CYTH1: variants seen among roughly 807,000 people sequenced by gnomAD.
CYTH1 encodes the protein cytohesin-1.
A neutral mutation model predicts 61.8 loss-of-function variants in CYTH1; 18 were observed. That is an observed-to-expected ratio of 0.29 (90% CI 0.20 to 0.43). The LOEUF is 0.43. Among genes scored for constraint, CYTH1 ranks in the 20% least tolerant of loss-of-function variants. CYTH1 has a pLI of 1.00. For synonymous variants in CYTH1, 174 were observed against 184.3 expected (o/e 0.94, Z 0.45); for missense variants, 336 against 510.5 (o/e 0.66, Z 3.29).
intron 3 of CYTH1, 130 bp from the exon 4 acceptor site, chr17:78,702,734 G>T: frequency 1.0e-6 from 1 of 975,292 alleles, no homozygotes. Flanking sequence ...GCATAATCTG[G>T]TGGAACTATG....
chr17:78,754,095 A>C (rs1187136161), intron 1 of CYTH1, among the ~76,000 whole-genome samples: 1 of 151,758 alleles, frequency 6.6e-6, no homozygotes, highest in Non-Finnish European at 1.5e-5. Flanking sequence ...GCTATGTCAC[A>C]TTGTGTGTCA....
intron 1 of CYTH1, among the ~76,000 whole-genome samples, chr17:78,766,830 G>A (rs2093450652): frequency 6.6e-6 from 1 of 152,216 alleles, no homozygotes; most frequent in African/African-American, 2.4e-5. Context: ...AGAGGGGGGT[G>A]TGAATGAGCA....
chr17:78,695,663 C>T (rs1011930164), intron 10 of CYTH1, among the ~76,000 whole-genome samples: 5 of 152,126 alleles, frequency 3.3e-5, no homozygotes, highest in African/African-American at 7.2e-5. Flanking sequence ...GATTAATGGA[C>T]GTCAAATTGA....
intron 1 of CYTH1, among the ~76,000 whole-genome samples, chr17:78,731,471 G>A (rs1412037862): frequency 2.6e-5 from 4 of 152,090 alleles, no homozygotes; most frequent in Non-Finnish European, 5.9e-5. Context: ...TTCTAAAAAG[G>A]AAATCTCGTC....
chr17:78,773,484 G>GC (rs1207124470), intron 1 of CYTH1, among the ~76,000 whole-genome samples: 1 of 151,674 alleles, frequency 6.6e-6, no homozygotes, highest in East Asian at 1.9e-4. Context: ...ACAAAAATCA[G>GC]CAGGGCATGG....
intron 11 of CYTH1, among the ~76,000 whole-genome samples, chr17:78,683,300 C>A (rs1028076496): frequency 1.1e-4 from 16 of 152,154 alleles, no homozygotes; most frequent in African/African-American, 3.6e-4. Flanking sequence ...GGCTGTTCGG[C>A]TGCTTTGGTC....
rs74001229 is a variant in CYTH1, at chr17:78,762,240, G to C, written c.22+19962C>G. Among the ~76,000 whole-genome samples the C allele has an allele frequency of 4.2e-3, 643 of 152,282 alleles. 4 individuals carry two copies. The highest frequency in any genetic ancestry group is 0.015 in the African/African-American group (605 of 41,556). Reference sequence around the variant, plus strand: ...CTGACTCAAGATAGTCTCTGTTCCGGTAATTTGATGACAAATAGTGTTGCT... The same window carrying C: ...CTGACTCAAGATAGTCTCTGTTCCGCTAATTTGATGACAAATAGTGTTGCT... On this transcript the variant is annotated intron_variant, in intron 1 of 13. Transcript: ENST00000446868.
Position 78,702,190 on chromosome 17 carries a change from G to A in CYTH1, c.288C>T (p.Asp96=). The stretch of plus-strand genomic sequence containing the variant: ...CGCCTTTATATAAGAACTGGGCAAT[G>A]TCTTCACAAGTGTTCTTCAGGAGGT... ...ENDLLKNTCE[D]IAQFLYKGEG... is the part of the protein sequence containing the mutation. Residue 96 remains aspartate, a synonymous_variant, in exon 5 of 14, where the codon GAC becomes GAT. Transcript: ENST00000446868. The A allele has an allele frequency of 6.2e-7, 1 of 1,614,164 alleles. No individual in the cohort carries two copies. Among genetic ancestry groups the A allele is most frequent in the Non-Finnish European group, 8.5e-7 (1 of 1,180,024 alleles).
At position 78,701,692 on chromosome 17, in the gene CYTH1, A is replaced by G. The variant is rs1334900039; in HGVS notation, c.416T>C (p.Leu139Pro). ...TCACCGTAGTGCCTGGACGAGATTA[A>G]GATCAGTGAACTCATGCAGCTCCAC... ...AFVELHEFTD[L>P]NLVQALRQFL... The change falls in exon 6 of 14, where the codon CTT (leucine) becomes CCT (proline). Residue 139 changes from leucine to proline, a missense_variant. Transcript: ENST00000446868. 6.2e-7 allele frequency: 1 copy of G among 1,614,144 alleles called. No individual in the cohort carries two copies. The highest frequency in any genetic ancestry group is 8.5e-7 in the Non-Finnish European group (1 of 1,180,056).
intron 10 of CYTH1, among the ~76,000 whole-genome samples, chr17:78,695,363 GT>G (rs2092928087): frequency 6.6e-6 from 1 of 152,150 alleles, no homozygotes; most frequent in Non-Finnish European, 1.5e-5. Flanking sequence ...TTCAGGGAGG[GT>G]TTTTTGGTTT....
chr17:78,714,674 T>A (rs2093166125), intron 1 of CYTH1, among the ~76,000 whole-genome samples: 1 of 152,112 alleles, frequency 6.6e-6, no homozygotes, highest in Non-Finnish European at 1.5e-5. Context: ...CCAAGCAGGC[T>A]CTGGCTCACT....
intron 11 of CYTH1, among the ~76,000 whole-genome samples, chr17:78,689,810 C>T (rs756945469): frequency 6.6e-6 from 1 of 152,158 alleles, no homozygotes; most frequent in Non-Finnish European, 1.5e-5. Flanking sequence ...GATTTTACTA[C>T]TCCTTGATCA....
intron 1 of CYTH1, among the ~76,000 whole-genome samples, chr17:78,772,184 T>G (rs781237078): frequency 3.9e-5 from 6 of 152,004 alleles, no homozygotes; most frequent in East Asian, 1.9e-4. Context: ...ACTTTCATCT[T>G]GGAGAGGAGA....
At chr17:78,770,369 C>T (rs1431288217) in intron 1 of CYTH1, among the ~76,000 whole-genome samples, 2 of 121,398 alleles carry the variant, frequency 1.6e-5, no homozygotes, top group Non-Finnish European at 3.6e-5. Flanking sequence ...AAAAAAAAAA[C>T]AAAGAAATCT....
intron 9 of CYTH1, 124 bp downstream of exon 9, chr17:78,698,145 A>G (rs1301616609): frequency 5.0e-6 from 4 of 801,658 alleles, no homozygotes; most frequent in Non-Finnish European, 8.5e-6. Flanking sequence ...ACACACACGC[A>G]CGCGCACACA....
intron 10 of CYTH1, 152 bp downstream of exon 10, chr17:78,695,855 A>G (rs2092932675): frequency 8.6e-7 from 1 of 1,157,822 alleles, no homozygotes. Context: ...GATCCTGACC[A>G]GTTCCCTAGG....
intron 1 of CYTH1, among the ~76,000 whole-genome samples, chr17:78,752,881 G>C (rs1030483049): frequency 6.6e-6 from 1 of 152,188 alleles, no homozygotes; most frequent in African/African-American, 2.4e-5. Context: ...GCCATAGGTA[G>C]TACTATAACG....
intron 11 of CYTH1, among the ~76,000 whole-genome samples, chr17:78,688,047 C>T (rs1456975424): frequency 2.0e-5 from 3 of 152,174 alleles, no homozygotes; most frequent in Non-Finnish European, 4.4e-5. Flanking sequence ...TAATTTCAAT[C>T]GCATCCTGCA....
chr17:78,737,602 CAAA>C (rs34735933), intron 1 of CYTH1, among the ~76,000 whole-genome samples: 2 of 104,950 alleles, frequency 1.9e-5, no homozygotes, highest in Non-Finnish European at 4.2e-5. Flanking sequence ...ATATTAGAGG[CAAA>C]AAAAAAAAAA....
Sources: allele counts gnomAD v4.1 joint callset (sites outside exome capture counted in the v4.1 genomes callset), GRCh38; gene constraint gnomAD v4.1.1; transcripts MANE v1.5; gene names NCBI Gene and HGNC (gene_info 2026-07-23, HGNC 2026-07-21).